The following MOB2 variants were observed in gnomAD, a reference collection of about 807,000 sequenced individuals.
MOB2 encodes MOB kinase activator 2, also known as MOB2 Mps One Binder homolog.
A neutral mutation model predicts 27.4 loss-of-function variants in MOB2; 14 were observed. The ratio of observed to expected loss-of-function variants is 0.51; its 90% CI spans 0.34 to 0.80. MOB2 has a LOEUF of 0.80. MOB2 is among the 30% of genes least tolerant of loss of function. The pLI is 0.01. For missense variants in MOB2, 304 were observed against 354.6 expected (o/e 0.86, Z 1.15); for synonymous variants, 167 against 151.8 (o/e 1.10, Z -0.74).
chr11:1,480,583 G>T, intron 2 of MOB2, 97 bp from the exon 3 acceptor site: 1 of 1,530,548 alleles, frequency 6.5e-7, no homozygotes, highest in Non-Finnish European at 9.0e-7. Flanking sequence ...GCTCGGCTGG[G>T]TGAGCTCTGC....
chr11:1,483,335 G>A (rs1226501192), intron 1 of MOB2, among the ~76,000 whole-genome samples: 3 of 152,244 alleles, frequency 2.0e-5, no homozygotes, highest in African/African-American at 7.2e-5. Context: ...GACAGAGATG[G>A]CGCTGAAGGG....
intron 3 of MOB2, among the ~76,000 whole-genome samples, chr11:1,474,512 G>A (rs1052120023): frequency 2.6e-5 from 4 of 152,240 alleles, no homozygotes; most frequent in Non-Finnish European, 4.4e-5. Flanking sequence ...TCAGCGTTTG[G>A]TTTTTGACAC....
In MOB2 at chr11:1,470,406, C is replaced by G. The variant is rs1440924576; in HGVS notation, c.573G>C (p.Trp191Cys). 6.2e-7 allele frequency: 1 copy of G among 1,613,586 alleles called. No individual in the cohort carries two copies. The highest frequency in any genetic ancestry group is 8.5e-7 in the Non-Finnish European group (1 of 1,179,890). Residue 191 changes from tryptophan to cysteine, a missense_variant, in exon 5 of 5, where the codon TGG becomes TGC. Trp to Cys is a radical substitution (Grantham distance 215). Coordinates refer to ENST00000329957, the MANE Select transcript of MOB2 (RefSeq NM_001172223.3). ...GGGCCAGCGTCTCCTTGAAGTGGGCCCAGTAGATGTGTGCCAGCACGTGGA... is the reference window on the plus strand; with the variant it reads ...GGGCCAGCGTCTCCTTGAAGTGGGCGCAGTAGATGTGTGCCAGCACGTGGA... Reference protein sequence around the residue: ...HLFHVLAHIYWAHFKETLALE... With the variant: ...HLFHVLAHIYCAHFKETLALE...
chr11:1,482,955 G>T (rs1377709316), intron 1 of MOB2, among the ~76,000 whole-genome samples: 1 of 152,226 alleles, frequency 6.6e-6, no homozygotes, highest in Non-Finnish European at 1.5e-5. Flanking sequence ...GCAGGAAGCA[G>T]TCACTCTGAG....
intron 3 of MOB2, chr11:1,472,905 C>CAGGGCCT (rs1268700388): frequency 6.4e-6 from 1 of 157,378 alleles, no homozygotes; most frequent in Non-Finnish European, 1.4e-5. Context: ...TCTCTGGGCA[C>CAGGGCCT]CCCTCTGCTG....
At position 1,469,968 on chromosome 11, in the gene MOB2, C is replaced by T. The variant is rs768572986; in HGVS notation, c.*204G>A. 5.4e-5 allele frequency: 69 copies of T among 1,285,764 alleles called. No homozygotes were observed. Among genetic ancestry groups the T allele is most frequent in the Middle Eastern group, 3.6e-4 (2 of 5,560 alleles). 79.6% of individuals were successfully genotyped at this position (1,285,764 alleles called of 1,614,324 possible). On this transcript the variant is annotated 3_prime_UTR_variant, in exon 5 of 5. Transcript: ENST00000329957. The stretch of plus-strand genomic sequence containing the variant: ...GGGCCCAAAGGCTCTTCTCTACAAA[C>T]GGCACGCATCCATCCGACAGGGGGC...
chr11:1,486,257 C>CACAGCCGCCTCTGCCCTGG (rs1263413236), intron 1 of MOB2, among the ~76,000 whole-genome samples, 190 bp downstream of exon 1: 1 of 152,266 alleles, frequency 6.6e-6, no homozygotes, highest in Non-Finnish European at 1.5e-5. Context: ...CCCGGGACTG[C>CACAGCCGCCTCTGCCCTGG]ACAGCCGCCT....
intron 4 of MOB2, among the ~76,000 whole-genome samples, chr11:1,470,817 T>C (rs1279057411): frequency 1.4e-4 from 21 of 152,152 alleles, no homozygotes; most frequent in Admixed American, 1.4e-3. Flanking sequence ...CCCCGTGGTG[T>C]CTCCCTGATG....
chr11:1,477,120 T>C (rs750100664), intron 3 of MOB2, among the ~76,000 whole-genome samples: 2 of 152,172 alleles, frequency 1.3e-5, no homozygotes, highest in Non-Finnish European at 2.9e-5. Context: ...GTGCTCTCGC[T>C]GACTGTCTAT....
chr11:1,470,671 C>A (rs917099837), intron 4 of MOB2, among the ~76,000 whole-genome samples, 183 bp from the exon 5 acceptor site: 2 of 152,350 alleles, frequency 1.3e-5, no homozygotes, highest in Admixed American at 1.3e-4. Context: ...CAGGGACTTG[C>A]CAACCCCGGG....
At chr11:1,474,529 C>A (rs1406832332) in intron 3 of MOB2, among the ~76,000 whole-genome samples, 1 of 152,248 alleles carries the variant, frequency 6.6e-6, no homozygotes, top group Non-Finnish European at 1.5e-5. Context: ...ACACAAATGA[C>A]TGCTTTTCCC....
At position 1,469,503 on chromosome 11, in the gene MOB2, G is replaced by T. The variant is rs1157307119; in HGVS notation, c.*669C>A. ...ATTACGAGTGAACAGATGAACTAAGGTAAGCGGGTCTCAGCCTTCCGCTGG... is the reference window on the plus strand; with the variant it reads ...ATTACGAGTGAACAGATGAACTAAGTTAAGCGGGTCTCAGCCTTCCGCTGG... On this transcript the variant is annotated 3_prime_UTR_variant, in exon 5 of 5. Transcript: ENST00000329957. 2.2e-6 allele frequency: 1 copy of T among 453,720 alleles called. No homozygotes were observed. Among genetic ancestry groups the T allele is most frequent in the Non-Finnish European group, 4.4e-6 (1 of 224,778 alleles). 28.1% of individuals were successfully genotyped at this position (453,720 alleles called of 1,614,324 possible).
chr11:1,479,196 C>T (rs2133364379), intron 3 of MOB2, among the ~76,000 whole-genome samples: 1 of 152,330 alleles, frequency 6.6e-6, no homozygotes, highest in Admixed American at 6.5e-5. Context: ...GGGTGCCAGG[C>T]CCCGTCTGCC....
Position 1,480,754 on chromosome 11 carries a change from A to G in MOB2, c.242T>C (p.Ile81Thr). 6.2e-7 allele frequency: 1 copy of G among 1,606,822 alleles called. No homozygotes were observed. Among genetic ancestry groups the G allele is most frequent in the Non-Finnish European group, 8.5e-7 (1 of 1,177,210 alleles). The stretch of plus-strand genomic sequence containing the variant: ...GCTGGCCAGCCACTCGTTAAGGTCA[A>G]TCTCGCGGGGCAGCACCACCAGCTC... ...FKELVVLPREIDLNEWLASNT... is the reference protein window; with the variant it reads ...FKELVVLPRETDLNEWLASNT... Residue 81 changes from isoleucine (I) to threonine (T), a missense_variant, in exon 2 of 5, where the codon ATT becomes ACT. By Grantham distance (89) the Ile-to-Thr change is moderately conservative. Coordinates refer to ENST00000329957, the MANE Select transcript of MOB2 (RefSeq NM_001172223.3).
At chr11:1,484,911 A>G (rs1554928869) in intron 1 of MOB2, among the ~76,000 whole-genome samples, 1 of 152,094 alleles carries the variant, frequency 6.6e-6, no homozygotes, top group Non-Finnish European at 1.5e-5. Flanking sequence ...CTGCCCCCCC[A>G]AACAGGTCAG....
At position 1,486,696 on chromosome 11, in the gene MOB2, T is replaced by C; in HGVS notation, c.-140A>G. 3.2e-6 allele frequency: 2 copies of C among 624,240 alleles called. No individual in the cohort carries two copies. Among genetic ancestry groups the C allele is most frequent in the Non-Finnish European group, 5.7e-6 (2 of 351,416 alleles). 38.7% of individuals were successfully genotyped at this position (624,240 alleles called of 1,614,324 possible). On this transcript the variant is annotated 5_prime_UTR_variant, in exon 1 of 5. Transcript: ENST00000329957. Reference sequence around the variant, plus strand: ...GGCAGAGACAAACAGCTGCCCCCTTTCCAGAGGCAAGGGCTGGCCAAGGCT... The same window carrying C: ...GGCAGAGACAAACAGCTGCCCCCTTCCCAGAGGCAAGGGCTGGCCAAGGCT...
chr11:1,470,054 G>C lies in MOB2; in HGVS notation c.*118C>G, dbSNP rs765531485. ...TGTGCAGCCCACACCAGTGCAGCCC[G>C]GGGCCCTCTCAGACCTCACCACACG... On this transcript the variant is annotated 3_prime_UTR_variant, in exon 5 of 5. Transcript: ENST00000329957. 1 of 1,537,474 alleles carries C rather than the reference G, an allele frequency of 6.5e-7. No individual in the cohort carries two copies. Among genetic ancestry groups the C allele is most frequent in the Admixed American group, 2.0e-5 (1 of 51,000 alleles).
Position 1,474,922 on chromosome 11 carries a change from T to C in MOB2, c.366-3503A>G, listed in dbSNP as rs367603257. On this transcript the variant is annotated intron_variant, in intron 3 of 4. Transcript: ENST00000329957. ...AATCATTGTAGCTATTTCAGTTAAT[T>C]TGTCCCTCCATATAAATTTTAGAAC... Among the ~76,000 whole-genome samples, 27 of 152,356 alleles carry C rather than the reference T, an allele frequency of 1.8e-4. 2 individuals carry two copies. The highest frequency in any genetic ancestry group is 1.3e-3 in the East Asian group (7 of 5,190).
At chr11:1,473,364 C>T (rs1452206509) in intron 3 of MOB2, 2 of 152,338 alleles carry the variant, frequency 1.3e-5, no homozygotes, top group Non-Finnish European at 2.9e-5. Context: ...CTTTCAGCAT[C>T]TGCTCCTCGA....
Sources: allele counts gnomAD v4.1 joint callset (sites outside exome capture counted in the v4.1 genomes callset), GRCh38; gene constraint gnomAD v4.1.1; transcripts MANE v1.5; gene names NCBI Gene and HGNC (gene_info 2026-07-23, HGNC 2026-07-21).